The following CCDC85A variants were observed in gnomAD, a reference collection of about 807,000 sequenced individuals.
The protein encoded by CCDC85A is coiled-coil domain-containing protein 85A.
Under a neutral mutation model 50.2 loss-of-function variants are expected in CCDC85A, and 38 were observed. The ratio of observed to expected loss-of-function variants is 0.76; its 90% CI spans 0.58 to 0.99. CCDC85A has a LOEUF of 0.99. Ranked by LOEUF, CCDC85A falls within the 50% of genes least tolerant of loss-of-function variation. The pLI, the probability that CCDC85A is intolerant of heterozygous loss-of-function variation, is 0.00. For missense variants in CCDC85A, 820 were observed against 742.0 expected, an observed-to-expected ratio of 1.11 and a Z score of -1.22; for synonymous variants, 366 against 301.4, an observed-to-expected ratio of 1.21 and a Z score of -2.22.
rs535235742 is a variant in CCDC85A, at chr2:56,385,899, A to G, written c.*1544A>G. 39 of 152,066 alleles carry G rather than the reference A, an allele frequency of 2.6e-4. No individual in the cohort carries two copies. Among genetic ancestry groups the G allele is most frequent in the African/African-American group, 9.2e-4 (38 of 41,498 alleles). 9.4% of individuals were successfully genotyped at this position (152,066 alleles called of 1,614,324 possible). ...ATATTTTAAAATGTTATTACTCTAT[A>G]AAAGAAAATTGCTTGCTATATTTAC... On this transcript the variant is annotated 3_prime_UTR_variant, in exon 6 of 6. Transcript: ENST00000407595.
At chr2:56,185,078 G>C (rs1675950609) in intron 1 of CCDC85A, among the ~76,000 whole-genome samples, 178 bp downstream of exon 1, 1 of 151,622 alleles carries the variant, frequency 6.6e-6, no homozygotes, top group Non-Finnish European at 1.5e-5. Context: ...CTTCGGAGGC[G>C]TCTGCTCCCC....
At chr2:56,295,538 A>C (rs541639019) in intron 2 of CCDC85A, among the ~76,000 whole-genome samples, 3 of 152,298 alleles carry the variant, frequency 2.0e-5, no homozygotes, top group African/African-American at 7.2e-5. Flanking sequence ...ATGCCACTGG[A>C]GTTCACCACC....
chr2:56,191,721 G>C (rs1676302576), intron 1 of CCDC85A, among the ~76,000 whole-genome samples: 1 of 152,214 alleles, frequency 6.6e-6, no homozygotes, highest in South Asian at 2.1e-4. Flanking sequence ...GGCTCAGGTT[G>C]CTTGAGATAA....
chr2:56,304,141 T>C (rs1381735793), intron 2 of CCDC85A, among the ~76,000 whole-genome samples: 1 of 152,188 alleles, frequency 6.6e-6, no homozygotes, highest in Non-Finnish European at 1.5e-5. Flanking sequence ...TGCATTCTTA[T>C]TAGGAAATAT....
chr2:56,247,510 A>G (rs919094666), intron 2 of CCDC85A, among the ~76,000 whole-genome samples: 2 of 152,188 alleles, frequency 1.3e-5, no homozygotes, highest in East Asian at 1.9e-4. Context: ...CATTGAGACC[A>G]TTTAGGCTTT....
At chr2:56,232,260 C>T (rs1192197049) in intron 2 of CCDC85A, among the ~76,000 whole-genome samples, 1 of 152,108 alleles carries the variant, frequency 6.6e-6, no homozygotes, top group Non-Finnish European at 1.5e-5. Context: ...ATGCCCAAAA[C>T]CAGACTCTGG....
intron 3 of CCDC85A, among the ~76,000 whole-genome samples, chr2:56,359,612 A>T (rs1675423859): frequency 6.6e-6 from 1 of 152,236 alleles, no homozygotes; most frequent in Non-Finnish European, 1.5e-5. Context: ...GACAAGTGAA[A>T]TGCTAAATCT....
At chr2:56,306,642 G>C (rs1039357600) in intron 2 of CCDC85A, among the ~76,000 whole-genome samples, 1 of 152,148 alleles carries the variant, frequency 6.6e-6, no homozygotes, top group East Asian at 1.9e-4. Flanking sequence ...ACTGTATACA[G>C]TAGCCTCATG....
intron 2 of CCDC85A, among the ~76,000 whole-genome samples, chr2:56,325,804 A>G (rs948048733): frequency 1.3e-5 from 2 of 152,132 alleles, no homozygotes; most frequent in African/African-American, 2.4e-5. Context: ...TCTTAAGCCC[A>G]CTAATGACTT....
chr2:56,370,664 G>A (rs1022720849), intron 3 of CCDC85A, among the ~76,000 whole-genome samples: 11 of 152,226 alleles, frequency 7.2e-5, no homozygotes, highest in African/African-American at 2.2e-4. Context: ...ATTATTGTGA[G>A]TTCTCTACAT....
At chr2:56,271,908 G>A (rs981681896) in intron 2 of CCDC85A, among the ~76,000 whole-genome samples, 3 of 152,234 alleles carry the variant, frequency 2.0e-5, no homozygotes, top group Non-Finnish European at 4.4e-5. Context: ...AGAGGCTAGA[G>A]TCCTGTACCA....
In CCDC85A at chr2:56,310,262, G is replaced by A. The variant is rs214037; in HGVS notation, c.1241-32617G>A. On this transcript the variant is annotated intron_variant, in intron 2 of 5. Coordinates refer to ENST00000407595, the MANE Select transcript of CCDC85A (RefSeq NM_001080433.2). ...TGGATGCTGGCTTATTTTGACAAGG[G>A]AGAAGTCTAGGTAGGAGAGCTGTAC... Among the ~76,000 whole-genome samples, 1,089 of 152,212 alleles carry A rather than the reference G, an allele frequency of 7.2e-3. 9 individuals carry two copies. Among genetic ancestry groups the A allele is most frequent in the Middle Eastern group, 0.027 (8 of 292 alleles).
intron 2 of CCDC85A, among the ~76,000 whole-genome samples, chr2:56,322,117 C>T (rs945948630): frequency 1.3e-5 from 2 of 152,150 alleles, no homozygotes; most frequent in African/African-American, 4.8e-5. Flanking sequence ...TGGATCCCTT[C>T]CTTACACCTT....
intron 3 of CCDC85A, among the ~76,000 whole-genome samples, chr2:56,353,461 G>T (rs1447362862): frequency 2.0e-5 from 3 of 152,206 alleles, no homozygotes; most frequent in Non-Finnish European, 4.4e-5. Flanking sequence ...TCTAAGTGTG[G>T]TTCCTTTCAG....
At chr2:56,246,658 T>C (rs1472923648) in intron 2 of CCDC85A, among the ~76,000 whole-genome samples, 3 of 152,222 alleles carry the variant, frequency 2.0e-5, no homozygotes, top group African/African-American at 7.2e-5. Flanking sequence ...TGACACTGTT[T>C]TTGAAAATCA....
At chr2:56,311,902 CT>C (rs1385378149) in intron 2 of CCDC85A, among the ~76,000 whole-genome samples, 2 of 152,056 alleles carry the variant, frequency 1.3e-5, no homozygotes, top group African/African-American at 4.8e-5. Context: ...CACAAACCTC[CT>C]GAACCAGCAT....
At chr2:56,369,347 C>T (rs992988672) in intron 3 of CCDC85A, among the ~76,000 whole-genome samples, 6 of 151,992 alleles carry the variant, frequency 3.9e-5, no homozygotes, top group Non-Finnish European at 8.8e-5. Flanking sequence ...TTAGAATGGT[C>T]GTAGTTTGAA....
At chr2:56,372,244 T>C (rs1004926788) in intron 3 of CCDC85A, 100 bp from the exon 4 acceptor site, 13 of 1,231,476 alleles carry the variant, frequency 1.1e-5, no homozygotes, top group African/African-American at 6.2e-5. Flanking sequence ...ATTGTGGTCA[T>C]TGTGGTTCAT....
chr2:56,250,524 G>A (rs933131546), intron 2 of CCDC85A, among the ~76,000 whole-genome samples: 2 of 152,176 alleles, frequency 1.3e-5, no homozygotes, highest in African/African-American at 4.8e-5. Context: ...ATGGTAGTCG[G>A]CTTACCTAGG....
Sources: gnomAD v4.1 joint callset for allele counts (sites outside exome capture counted in the v4.1 genomes callset) on GRCh38, gnomAD v4.1.1 for gene constraint, MANE v1.5 for transcripts, NCBI Gene and HGNC (gene_info 2026-07-23, HGNC 2026-07-21) for gene names.